MGRN1: variants seen among roughly 807,000 people sequenced by gnomAD.
MGRN1 encodes mahogunin ring finger 1.
A neutral mutation model predicts 69.2 loss-of-function variants in MGRN1; 29 were observed. The observed-to-expected ratio is 0.42, with a 90% CI of 0.31 to 0.57. The LOEUF (loss-of-function observed/expected upper bound fraction) is 0.57, where lower values mean the gene tolerates loss of function less well. MGRN1 is among the 20% of genes least tolerant of loss of function. The pLI is 0.15. For synonymous variants in MGRN1, 470 were observed against 344.2 expected (o/e 1.37, Z -4.04); for missense variants, 998 against 796.2 (o/e 1.25, Z -3.05).
intron 9 of MGRN1, among the ~76,000 whole-genome samples, chr16:4,672,698 A>C (rs997650296): frequency 7.9e-5 from 12 of 152,236 alleles, no homozygotes; most frequent in African/African-American, 2.6e-4. Context: ...GTAAGATTTT[A>C]TTTATAGAAA....
chr16:4,668,191 C>A (rs754693353), intron 7 of MGRN1, 74 bp from the exon 8 acceptor site: 5 of 1,382,920 alleles, frequency 3.6e-6, no homozygotes, highest in South Asian at 2.7e-5. Context: ...GGGTGGCCAA[C>A]CCAGGCGGCC....
At chr16:4,684,061 C>A (rs1321332733) in intron 16 of MGRN1, 129 bp downstream of exon 16, 2 of 817,236 alleles carry the variant, frequency 2.4e-6, no homozygotes, top group Non-Finnish European at 3.9e-6. Context: ...CTCCCTGGCT[C>A]TCAGCCATGC....
At chr16:4,664,612 G>A in intron 5 of MGRN1, 97 bp from the exon 6 acceptor site, 1 of 1,291,592 alleles carries the variant, frequency 7.7e-7, no homozygotes, top group Non-Finnish European at 1.1e-6. Context: ...GCTGCCTCCT[G>A]CTCCTGCCTG....
At chr16:4,629,750 A>G (rs1014774630) in intron 1 of MGRN1, among the ~76,000 whole-genome samples, 2 of 151,064 alleles carry the variant, frequency 1.3e-5, no homozygotes, top group African/African-American at 4.9e-5. Context: ...AAAAAAAAAA[A>G]AAATCATACA....
At chr16:4,641,522 T>TC (rs1356503969) in intron 1 of MGRN1, among the ~76,000 whole-genome samples, 1 of 151,374 alleles carries the variant, frequency 6.6e-6, no homozygotes, top group African/African-American at 2.4e-5. Context: ...CTACTTTTTT[T>TC]TTTTTTTTTT....
chr16:4,625,079 A>G (rs1897596566), intron 1 of MGRN1, 31 bp downstream of exon 1: 2 of 1,505,076 alleles, frequency 1.3e-6, no homozygotes, highest in South Asian at 2.5e-5. Flanking sequence ...GCGGACTGCT[A>G]GGCACGCGCT....
intron 1 of MGRN1, among the ~76,000 whole-genome samples, chr16:4,645,570 G>A (rs1346571455): frequency 6.6e-6 from 1 of 152,196 alleles, no homozygotes; most frequent in South Asian, 2.1e-4. Context: ...AATAAGGCTG[G>A]AAAGGGGAGT....
At position 4,650,447 on chromosome 16, in the gene MGRN1, C is replaced by G. The variant is rs2078380180; in HGVS notation, c.171C>G (p.Asn57Lys). ...PHPEGYLFGE[N>K]MDLNFLGSRP... ...CTGAAGGTTACCTCTTTGGAGAGAA[C>G]ATGGATCTGAACTTCCTGGGCAGCC... The change falls in exon 2 of 17, where the codon AAC (asparagine) becomes AAG (lysine). Residue 57 changes from asparagine (N) to lysine (K), a missense_variant. Transcript: ENST00000262370. 1 of 1,613,888 alleles carries G rather than the reference C, an allele frequency of 6.2e-7. No individual in the cohort carries two copies. The highest frequency in any genetic ancestry group is 8.5e-7 in the Non-Finnish European group (1 of 1,179,904).
intron 10 of MGRN1, chr16:4,677,167 C>T (rs1053246824): frequency 3.6e-5 from 10 of 279,284 alleles, no homozygotes; most frequent in Middle Eastern, 2.0e-3. Flanking sequence ...GTTTCCTGCC[C>T]GGGGCCATTT....
chr16:4,674,626 CTT>C (rs71139654), intron 10 of MGRN1, among the ~76,000 whole-genome samples: 5 of 47,248 alleles, frequency 1.1e-4, no homozygotes, highest in African/African-American at 3.6e-4. Flanking sequence ...CTTTTCTTTT[CTT>C]TTTTTTTTTT....
intron 9 of MGRN1, among the ~76,000 whole-genome samples, chr16:4,672,863 A>T (rs914477655): frequency 6.6e-6 from 1 of 151,998 alleles, no homozygotes; most frequent in African/African-American, 2.4e-5. Flanking sequence ...TTTGAGATGG[A>T]GTCTTGCTCT....
intron 11 of MGRN1, among the ~76,000 whole-genome samples, chr16:4,677,845 TTTTTTTTTTC>T (rs1224741091): frequency 7.6e-6 from 1 of 132,226 alleles, no homozygotes; most frequent in Non-Finnish European, 1.7e-5. Context: ...GCTTTTTTTT[TTTTTTTTTTC>T]TTTTTGAGGC....
chr16:4,663,527 A>G (rs114179181), intron 5 of MGRN1, among the ~76,000 whole-genome samples: 184 of 152,226 alleles, frequency 1.2e-3, no homozygotes, highest in African/African-American at 4.3e-3. Context: ...GAAATAAATG[A>G]TTCTTTTTCT....
chr16:4,655,496 C>T (rs904450661), intron 4 of MGRN1, among the ~76,000 whole-genome samples: 6 of 151,938 alleles, frequency 3.9e-5, no homozygotes, highest in Non-Finnish European at 8.8e-5. Context: ...CACTGTCCCC[C>T]TCTGTCAGGA....
At chr16:4,687,285 C>T (rs759842595) in intron 16 of MGRN1, 186 of 985,122 alleles carry the variant, frequency 1.9e-4, no homozygotes, top group Non-Finnish European at 2.2e-4. Flanking sequence ...GGCAGTGGTT[C>T]GCACCTATAA....
At position 4,652,807 on chromosome 16, in the gene MGRN1, C is replaced by T. The variant is rs1200610240; in HGVS notation, c.426C>T (p.Phe142=). 3.1e-6 allele frequency: 5 copies of T among 1,609,566 alleles called. No homozygotes were observed. Among genetic ancestry groups the T allele is most frequent in the Non-Finnish European group, 4.2e-6 (5 of 1,177,998 alleles). The change falls in exon 4 of 17, where the codon TTC becomes TTT. Residue 142 remains phenylalanine, a synonymous_variant. Transcript: ENST00000262370. ...ITIYCQASEE[F]LNGRAVYSPK... ...TCTACTGCCAGGCATCGGAGGAGTT[C>T]CTGAACGGCAGGGCAGTGTGAGTCC...
intron 1 of MGRN1, among the ~76,000 whole-genome samples, chr16:4,642,640 T>C (rs1183465698): frequency 6.6e-6 from 1 of 151,972 alleles, no homozygotes; most frequent in East Asian, 1.9e-4. Context: ...TTTGTATTTT[T>C]AGTAGAAACA....
intron 1 of MGRN1, among the ~76,000 whole-genome samples, chr16:4,639,062 C>G (rs566108904): frequency 2.0e-5 from 3 of 152,168 alleles, no homozygotes; most frequent in Non-Finnish European, 4.4e-5. Context: ...CTCAGCCTCA[C>G]CGGGCCAGTT....
chr16:4,664,856 C>A, intron 6 of MGRN1, 81 bp downstream of exon 6: 1 of 1,557,108 alleles, frequency 6.4e-7, no homozygotes, highest in South Asian at 1.1e-5. Flanking sequence ...GTGCTTGCAG[C>A]AGTGATGAAG....
Sources: gnomAD v4.1 joint callset for allele counts (sites outside exome capture counted in the v4.1 genomes callset) on GRCh38, gnomAD v4.1.1 for gene constraint, MANE v1.5 for transcripts, NCBI Gene and HGNC (gene_info 2026-07-23, HGNC 2026-07-21) for gene names.